ROR1: variants seen among roughly 807,000 people sequenced by gnomAD.
ROR1 encodes the protein ROR family WNT receptor 1, also known as inactive tyrosine-protein kinase transmembrane receptor ROR1.
Under a neutral mutation model 78.8 loss-of-function variants are expected in ROR1, and 19 were observed. That is an observed-to-expected ratio of 0.24 (90% CI 0.17 to 0.35). ROR1 has a LOEUF of 0.35. Among genes scored for constraint, ROR1 ranks in the 10% least tolerant of loss-of-function variants. The pLI is 1.00. For synonymous variants in ROR1, 386 were observed against 433.6 expected (o/e 0.89, Z 1.36); for missense variants, 917 against 1,177.8 (o/e 0.78, Z 3.24).
intron 1 of ROR1, among the ~76,000 whole-genome samples, chr1:63,974,994 C>G (rs1045779761): frequency 6.6e-6 from 1 of 152,200 alleles, no homozygotes; most frequent in African/African-American, 2.4e-5. Flanking sequence ...CAAAGACTTA[C>G]AGGTTTTCTC....
chr1:63,885,237 A>G (rs377570701), intron 1 of ROR1, among the ~76,000 whole-genome samples: 1 of 152,340 alleles, frequency 6.6e-6, no homozygotes. Context: ...AAATGTTAGC[A>G]TAGTTGCCAG....
intron 7 of ROR1, chr1:64,143,310 C>T: frequency 1.1e-6 from 1 of 950,198 alleles, no homozygotes; most frequent in African/African-American, 1.8e-5. Flanking sequence ...CATTTGAGCC[C>T]AGGGGTTCAA....
chr1:63,794,082 G>A (rs141618420), intron 1 of ROR1, among the ~76,000 whole-genome samples: 240 of 152,304 alleles, frequency 1.6e-3, no homozygotes, highest in African/African-American at 5.3e-3. Flanking sequence ...AGTGAAGGAC[G>A]TCCTCACTGT....
At chr1:64,170,923 A>G (rs1650220425) in intron 8 of ROR1, among the ~76,000 whole-genome samples, 2 of 150,918 alleles carry the variant, frequency 1.3e-5, no homozygotes, top group South Asian at 4.2e-4. Context: ...GAGACCACCT[A>G]AGTCTGGATT....
chr1:63,940,904 G>C (rs1329008225), intron 1 of ROR1, among the ~76,000 whole-genome samples: 2 of 152,186 alleles, frequency 1.3e-5, no homozygotes, highest in African/African-American at 4.8e-5. Flanking sequence ...GGTACGTGAT[G>C]CACTGGGAAG....
chr1:63,949,632 A>T (rs567923901), intron 1 of ROR1, among the ~76,000 whole-genome samples: 1 of 152,232 alleles, frequency 6.6e-6, no homozygotes, highest in South Asian at 2.1e-4. Flanking sequence ...CATTCACAGA[A>T]TGTGTCTGGA....
chr1:63,854,180 T>C (rs1645134146), intron 1 of ROR1, among the ~76,000 whole-genome samples: 1 of 152,236 alleles, frequency 6.6e-6, no homozygotes, highest in Non-Finnish European at 1.5e-5. Context: ...TTTTTTTTTA[T>C]TCACTGAGGC....
chr1:64,131,501 T>C (rs911104480), intron 4 of ROR1, among the ~76,000 whole-genome samples: 41 of 152,130 alleles, frequency 2.7e-4, no homozygotes, highest in Admixed American at 2.4e-3. Flanking sequence ...TTTGCAACCA[T>C]TGGCCCTCTC....
intron 2 of ROR1, among the ~76,000 whole-genome samples, chr1:64,044,228 C>A (rs1010906503): frequency 3.3e-5 from 5 of 152,082 alleles, no homozygotes; most frequent in Admixed American, 2.6e-4. Flanking sequence ...AGTCTAGGAC[C>A]CTGAGGGCTG....
rs116995843 is a variant in ROR1, at chr1:63,955,228, A to G, written c.92-54077A>G. 2.9e-3 allele frequency among the ~76,000 whole-genome samples: 438 copies of G among 152,324 alleles called. 7 individuals carry two copies. Among genetic ancestry groups the G allele is most frequent in the Admixed American group, 0.026 (393 of 15,304 alleles). On this transcript the variant is annotated intron_variant, in intron 1 of 8. Transcript: ENST00000371079. ...CAAATGTCTGAAGGGGTTTACAGAT[A>G]TTAATTTTACTTTTTTTCCTAATTA...
At chr1:64,112,912 G>T (rs1411277120) in intron 4 of ROR1, among the ~76,000 whole-genome samples, 1 of 152,200 alleles carries the variant, frequency 6.6e-6, no homozygotes, top group Non-Finnish European at 1.5e-5. Context: ...CAGCCTGCCA[G>T]CATTCCCTAT....
At chr1:63,846,476 T>G (rs574569184) in intron 1 of ROR1, among the ~76,000 whole-genome samples, 2 of 150,818 alleles carry the variant, frequency 1.3e-5, no homozygotes, top group South Asian at 4.1e-4. Flanking sequence ...TGTTTGAAGA[T>G]TTCCGTGTTG....
chr1:63,789,443 CAAT>C (rs1644712150), intron 1 of ROR1: 1 of 275,676 alleles, frequency 3.6e-6, no homozygotes. Context: ...CTGCCTAAGA[CAAT>C]GATTACTTTT....
intron 2 of ROR1, among the ~76,000 whole-genome samples, chr1:64,020,045 A>G (rs1211305764): frequency 1.3e-5 from 2 of 152,206 alleles, no homozygotes; most frequent in African/African-American, 4.8e-5. Context: ...CACAAGCTCA[A>G]GAATGCCAGG....
intron 1 of ROR1, among the ~76,000 whole-genome samples, chr1:63,977,839 T>G (rs1377987210): frequency 6.6e-6 from 1 of 152,238 alleles, no homozygotes; most frequent in Non-Finnish European, 1.5e-5. Flanking sequence ...AGTGGTGGCA[T>G]GCACATCTAT....
chr1:63,838,661 T>C (rs140506315), intron 1 of ROR1, among the ~76,000 whole-genome samples: 1 of 152,318 alleles, frequency 6.6e-6, no homozygotes, highest in African/African-American at 2.4e-5. Flanking sequence ...CCAATTTCTA[T>C]TGAAGAAAGA....
chr1:63,817,703 T>TG (rs1158088405), intron 1 of ROR1, among the ~76,000 whole-genome samples: 1 of 152,194 alleles, frequency 6.6e-6, no homozygotes, highest in African/African-American at 2.4e-5. Flanking sequence ...GTGCAGTTAC[T>TG]GGGACTCACT....
At chr1:63,956,622 T>A (rs1645984680) in intron 1 of ROR1, among the ~76,000 whole-genome samples, 1 of 152,238 alleles carries the variant, frequency 6.6e-6, no homozygotes. Context: ...GGCATTGATT[T>A]ACTTTGTGAA....
At chr1:63,873,005 A>G (rs1201158425) in intron 1 of ROR1, among the ~76,000 whole-genome samples, 1 of 152,074 alleles carries the variant, frequency 6.6e-6, no homozygotes, top group Non-Finnish European at 1.5e-5. Context: ...TTTCAGATAT[A>G]TTTATGATTT....
Sources: allele counts gnomAD v4.1 joint callset (sites outside exome capture counted in the v4.1 genomes callset), GRCh38; gene constraint gnomAD v4.1.1; transcripts MANE v1.5; gene names NCBI Gene and HGNC (gene_info 2026-07-23, HGNC 2026-07-21).